The following LRRTM4 variants were observed in gnomAD, a reference collection of about 807,000 sequenced individuals.
LRRTM4 encodes leucine rich repeat transmembrane neuronal 4.
A neutral mutation model predicts 47.6 loss-of-function variants in LRRTM4; 25 were observed. The observed-to-expected ratio is 0.53, with a 90% confidence interval of 0.38 to 0.73. LRRTM4 has a LOEUF of 0.73. Among genes scored for constraint, LRRTM4 ranks in the 30% least tolerant of loss-of-function variants. LRRTM4 has a pLI of 0.00. For missense variants in LRRTM4, 638 were observed against 713.4 expected (o/e 0.89, Z 1.20); for synonymous variants, 311 against 269.5 (o/e 1.15, Z -1.51).
At chr2:77,287,681 C>G (rs1459892802) in intron 3 of LRRTM4, among the ~76,000 whole-genome samples, 1 of 152,112 alleles carries the variant, frequency 6.6e-6, no homozygotes, top group African/African-American at 2.4e-5. Context: ...TATTACCCAC[C>G]TGTTAGTAAC....
At chr2:76,791,337 A>C (rs1452011651) in intron 3 of LRRTM4, among the ~76,000 whole-genome samples, 2 of 152,206 alleles carry the variant, frequency 1.3e-5, no homozygotes, top group Non-Finnish European at 2.9e-5. Context: ...CACTTGCTCC[A>C]ACATTCCCAT....
At chr2:77,309,074 T>C (rs978841318) in intron 3 of LRRTM4, among the ~76,000 whole-genome samples, 3 of 152,136 alleles carry the variant, frequency 2.0e-5, no homozygotes, top group African/African-American at 7.2e-5. Context: ...TATTAACCTA[T>C]TCAACAAAAA....
chr2:76,873,506 G>GTGTGTGTATATATATATATATA (rs367573475), intron 3 of LRRTM4, among the ~76,000 whole-genome samples: 12 of 112,314 alleles, frequency 1.1e-4, no homozygotes, highest in African/African-American at 3.9e-4. Context: ...ATATATGTGT[G>GTGTGTGTATATATATATATATA]TATATATATA....
At position 76,905,340 on chromosome 2, in the gene LRRTM4, T is replaced by A. The variant is rs1463899458; in HGVS notation, c.1552-156424A>T. ...AACAGAAAGGACATCCACACCAAAA[T>A]CCCATCTGTACATCACCATCATCAA... is the stretch of plus-strand genomic sequence containing the variant. On this transcript the variant is annotated intron_variant, in intron 3 of 3. Transcript: ENST00000409884. 5.9e-5 allele frequency among the ~76,000 whole-genome samples: 9 copies of A among 151,706 alleles called. No homozygotes were observed. In the East Asian group the frequency reaches 1.6e-3, roughly 26 times the overall value.
At chr2:77,304,494 T>C (rs1677220430) in intron 3 of LRRTM4, among the ~76,000 whole-genome samples, 1 of 151,672 alleles carries the variant, frequency 6.6e-6, no homozygotes, top group South Asian at 2.1e-4. Flanking sequence ...CTTTTATCCA[T>C]GAAACAACTG....
rs1676164250 is a variant in LRRTM4, at chr2:77,270,541, C to T, written c.1551+247777G>A. Among the ~76,000 whole-genome samples the T allele has an allele frequency of 2.0e-5, 3 of 152,168 alleles. No individual in the cohort carries two copies. In the South Asian group the frequency reaches 6.2e-4, roughly 32 times the overall value. ...TATTTTCTAGGAGAAAATGTCTGCTCCTTTTTATAAGCCTGAAACTCAAAG... is the reference window on the plus strand; with the variant it reads ...TATTTTCTAGGAGAAAATGTCTGCTTCTTTTTATAAGCCTGAAACTCAAAG... On this transcript the variant is annotated intron_variant, in intron 3 of 3. Coordinates refer to ENST00000409884, the MANE Select transcript of LRRTM4 (RefSeq NM_001134745.3).
chr2:77,439,344 A>G lies in LRRTM4; in HGVS notation c.1551+78974T>C, dbSNP rs138236538. Among the ~76,000 whole-genome samples the G allele has an allele frequency of 6.6e-5, 10 of 151,998 alleles. No individual in the cohort carries two copies. The East Asian group carries it at 1.9e-3, about 29-fold the overall frequency. Reference sequence around the variant, plus strand: ...AAGTTTCTCTTCCTTCTTCTATCCTATTTTCATCTTATGAAATAAAGAAAA... The same window carrying G: ...AAGTTTCTCTTCCTTCTTCTATCCTGTTTTCATCTTATGAAATAAAGAAAA... On this transcript the variant is annotated intron_variant, in intron 3 of 3. Transcript: ENST00000409884.
intron 3 of LRRTM4, among the ~76,000 whole-genome samples, chr2:77,207,370 T>TAA (rs1462509982): frequency 8.2e-6 from 1 of 122,588 alleles, no homozygotes; most frequent in African/African-American, 3.9e-5. Flanking sequence ...TATATATATA[T>TAA]ATACACACAC....
chr2:76,786,399 C>A (rs1261202302), intron 3 of LRRTM4, among the ~76,000 whole-genome samples: 1 of 152,016 alleles, frequency 6.6e-6, no homozygotes, highest in African/African-American at 2.4e-5. Context: ...AGACTCCTAA[C>A]ATTTTTTTAA....
chr2:76,847,426 G>T (rs1360305780), intron 3 of LRRTM4, among the ~76,000 whole-genome samples: 1 of 152,016 alleles, frequency 6.6e-6, no homozygotes, highest in Admixed American at 6.6e-5. Context: ...ATGAGCCAAT[G>T]ACTTTCCTAT....
intron 3 of LRRTM4, among the ~76,000 whole-genome samples, chr2:76,821,108 G>C (rs1466055929): frequency 6.6e-6 from 1 of 151,648 alleles, no homozygotes; most frequent in African/African-American, 2.4e-5. Flanking sequence ...ACCATAAGAG[G>C]GAGAGTGCTT....
At chr2:77,221,855 C>A (rs888782456) in intron 3 of LRRTM4, among the ~76,000 whole-genome samples, 2 of 152,104 alleles carry the variant, frequency 1.3e-5, no homozygotes, top group African/African-American at 4.8e-5. Context: ...ACCAAGCAGA[C>A]CTAATAGACA....
chr2:77,026,963 A>G (rs1052061960), intron 3 of LRRTM4, among the ~76,000 whole-genome samples: 2 of 152,084 alleles, frequency 1.3e-5, no homozygotes, highest in African/African-American at 4.8e-5. Context: ...AGCAAAGAAA[A>G]TCACCCTTTC....
At chr2:76,830,432 G>A (rs1485465579) in intron 3 of LRRTM4, among the ~76,000 whole-genome samples, 10 of 151,398 alleles carry the variant, frequency 6.6e-5, no homozygotes. Context: ...GTGAAGTAGT[G>A]GAAGAATAAG....
intron 3 of LRRTM4, among the ~76,000 whole-genome samples, chr2:77,397,495 T>G (rs1460277385): frequency 6.6e-6 from 1 of 151,806 alleles, no homozygotes; most frequent in Non-Finnish European, 1.5e-5. Context: ...TCAAATTATT[T>G]ATAATCTCTA....
At chr2:77,131,291 G>A (rs1050369415) in intron 3 of LRRTM4, among the ~76,000 whole-genome samples, 1 of 152,126 alleles carries the variant, frequency 6.6e-6, no homozygotes, top group African/African-American at 2.4e-5. Context: ...ATTCCCATTT[G>A]AGACGAGAGA....
intron 3 of LRRTM4, among the ~76,000 whole-genome samples, chr2:77,468,133 T>C (rs1677050108): frequency 6.6e-6 from 1 of 152,194 alleles, no homozygotes; most frequent in Admixed American, 6.5e-5. Context: ...ATTTGTTTTA[T>C]ACCCTCCCAT....
At chr2:77,461,594 T>C (rs553348136) in intron 3 of LRRTM4, among the ~76,000 whole-genome samples, 57 of 152,246 alleles carry the variant, frequency 3.7e-4, no homozygotes, top group African/African-American at 1.3e-3. Flanking sequence ...ATAACGACTA[T>C]TTTTGAGATT....
intron 3 of LRRTM4, among the ~76,000 whole-genome samples, chr2:77,377,110 G>A (rs1428646164): frequency 1.3e-5 from 2 of 151,644 alleles, no homozygotes; most frequent in South Asian, 2.1e-4. Flanking sequence ...GTCAATTTAC[G>A]TTGCTCCTGT....
Sources: allele counts gnomAD v4.1 joint callset (sites outside exome capture counted in the v4.1 genomes callset), GRCh38; gene constraint gnomAD v4.1.1; transcripts MANE v1.5; gene names NCBI Gene and HGNC (gene_info 2026-07-23, HGNC 2026-07-21).